ANAPC1: variants seen among roughly 807,000 people sequenced by gnomAD.
The protein encoded by ANAPC1 is anaphase promoting complex subunit 1, also known as anaphase-promoting complex subunit 1.
In ANAPC1, 36 loss-of-function variants were observed where a neutral mutation model predicts 208.0. That is an observed-to-expected ratio of 0.17 (90% CI 0.13 to 0.23). ANAPC1 has a LOEUF of 0.23. Ranked by LOEUF, ANAPC1 falls within the 10% of genes least tolerant of loss-of-function variation. The probability of loss-of-function intolerance (pLI) is 1.00; values close to 1 mark genes in which losing one functional copy is unlikely to be tolerated. For missense variants in ANAPC1, 942 were observed against 2,011.6 expected (o/e 0.47, Z 10.17); for synonymous variants, 378 against 695.2 (o/e 0.54, Z 7.18).
chr2:111,817,353 A>T (rs1293657152), intron 27 of ANAPC1, among the ~76,000 whole-genome samples: 1 of 151,778 alleles, frequency 6.6e-6, no homozygotes, highest in Non-Finnish European at 1.5e-5. Context: ...CCAATTTTGC[A>T]TTAGATTTTC....
chr2:111,777,252 T>C (rs1255969230), intron 45 of ANAPC1, among the ~76,000 whole-genome samples, 195 bp from the exon 46 acceptor site: 2 of 152,182 alleles, frequency 1.3e-5, no homozygotes, highest in East Asian at 3.9e-4. Context: ...CCTCCTTCAA[T>C]ATGGCCCTAC....
intron 16 of ANAPC1, among the ~76,000 whole-genome samples, chr2:111,845,488 G>A (rs1681003093): frequency 6.6e-6 from 1 of 152,160 alleles, no homozygotes; most frequent in South Asian, 2.1e-4. Context: ...TAAACCCAAT[G>A]CTGCATGAGT....
rs759052925 is a variant in ANAPC1, at chr2:111,794,228, C to T, written c.4464+5G>A. The T allele has an allele frequency of 1.9e-6, 3 of 1,605,536 alleles. No homozygotes were observed. The highest frequency in any genetic ancestry group is 2.5e-6 in the Non-Finnish European group (3 of 1,177,298). On this transcript the variant is annotated splice_donor_5th_base_variant and intron_variant, in intron 36 of 47. Transcript: ENST00000341068. Reference sequence around the variant, plus strand: ...AAGAACACAGTAAACTAAAATACTTCTTACCAAACAGTTAAATGCTGATAA... The same window carrying T: ...AAGAACACAGTAAACTAAAATACTTTTTACCAAACAGTTAAATGCTGATAA...
At chr2:111,867,978 CAA>C (rs750765481) in intron 7 of ANAPC1, 43 bp downstream of exon 7, 105 of 1,130,610 alleles carry the variant, frequency 9.3e-5, no homozygotes, top group South Asian at 3.4e-4. Context: ...TCACCAAAGT[CAA>C]AAAAAAAAGA....
chr2:111,833,076 C>T (rs891484238), intron 20 of ANAPC1, 144 bp downstream of exon 20: 141 of 1,216,006 alleles, frequency 1.2e-4, no homozygotes, highest in African/African-American at 5.9e-4. Flanking sequence ...ACAAGCACTA[C>T]GAACTAAAAT....
At position 111,880,818 on chromosome 2, in the gene ANAPC1, T is replaced by C; in HGVS notation, c.8A>G (p.Asn3Ser). The C allele has an allele frequency of 1.2e-6, 2 of 1,613,800 alleles. No individual in the cohort carries two copies. Among genetic ancestry groups the C allele is most frequent in the South Asian group, 2.2e-5 (2 of 91,056 alleles). MSNFYEERTTMIA... is the reference protein window; with the variant it reads MSSFYEERTTMIA... ...CATCGTTGTCCTTTCTTCATAGAAG[T>C]TCGACATGGGTTCCAAATATCAACA... Residue 3 changes from asparagine to serine, a missense_variant, in exon 2 of 48, where the codon AAC becomes AGC. Asn to Ser is a conservative substitution (Grantham distance 46). Transcript: ENST00000341068.
Position 111,792,414 on chromosome 2 carries a change from A to C in ANAPC1, c.4660T>G (p.Phe1554Val), listed in dbSNP as rs1277062691. The change falls in exon 38 of 48, where the codon TTT becomes GTT. Residue 1554 changes from phenylalanine (F) to valine (V), a missense_variant. Phe to Val is a conservative substitution (Grantham distance 50, BLOSUM62 -1). Transcript: ENST00000341068. ...MKTGGEMNYG[F>V]HLAHHMALGL... ...AGGGCCATGTGGTGGGCTAAGTGAA[A>C]ACCATAGTTCATTTCACCACCCGTT... 6.2e-7 allele frequency: 1 copy of C among 1,612,276 alleles called. No homozygotes were observed. Among genetic ancestry groups the C allele is most frequent in the South Asian group, 1.1e-5 (1 of 90,908 alleles).
chr2:111,851,650 A>T (rs184229906), intron 13 of ANAPC1, among the ~76,000 whole-genome samples: 2,350 of 146,438 alleles, frequency 0.016, 29 homozygotes, highest in Middle Eastern at 0.032. Flanking sequence ...ACTAAAAATT[A>T]AAAAAAAAAA....
intron 38 of ANAPC1, among the ~76,000 whole-genome samples, chr2:111,790,824 G>A (rs142503232): frequency 6.6e-6 from 1 of 152,126 alleles, no homozygotes; most frequent in Non-Finnish European, 1.5e-5. Flanking sequence ...ATAGTTTAAA[G>A]AATCCACAGT....
intron 20 of ANAPC1, among the ~76,000 whole-genome samples, 160 bp from the exon 21 acceptor site, chr2:111,831,594 C>T (rs1680134381): frequency 6.6e-6 from 1 of 151,930 alleles, no homozygotes; most frequent in African/African-American, 2.4e-5. Context: ...AACCCCAGTA[C>T]TTTGGGAGGC....
intron 3 of ANAPC1, among the ~76,000 whole-genome samples, chr2:111,875,551 G>T (rs1208660068): frequency 6.6e-6 from 1 of 152,092 alleles, no homozygotes; most frequent in Non-Finnish European, 1.5e-5. Context: ...TACCTGAACA[G>T]TCACAAAATA....
chr2:111,798,600 T>C (rs537558629), intron 34 of ANAPC1, among the ~76,000 whole-genome samples: 1 of 152,108 alleles, frequency 6.6e-6, no homozygotes, highest in Non-Finnish European at 1.5e-5. Context: ...GACAAATGGT[T>C]TTTTTCATAG....
At chr2:111,806,077 C>T (rs1678659866) in intron 29 of ANAPC1, among the ~76,000 whole-genome samples, 184 bp from the exon 30 acceptor site, 1 of 151,450 alleles carries the variant, frequency 6.6e-6, no homozygotes, top group Non-Finnish European at 1.5e-5. Flanking sequence ...AAAAAAAGGG[C>T]CCAAAATAGT....
chr2:111,782,328 T>A, intron 43 of ANAPC1, 41 bp downstream of exon 43: 1 of 1,612,766 alleles, frequency 6.2e-7, no homozygotes, highest in Non-Finnish European at 8.5e-7. Context: ...GCCGGCAATT[T>A]AGAATTATTT....
rs759830098 is a variant in ANAPC1, at chr2:111,872,641, T to C, written c.600A>G (p.Pro200=). ...AATAAAATGAATACCTGGGTGAACC[T>C]GGAGGTACTTCATGTGAAGAAGCGC... is the stretch of plus-strand genomic sequence containing the variant. ...ERSASSHEVP[P]GSPREPLPTM... Residue 200 remains proline, a synonymous_variant, in exon 6 of 48, where the codon CCA becomes CCG. Transcript: ENST00000341068. The C allele has an allele frequency of 8.7e-6, 14 of 1,611,772 alleles. No individual in the cohort carries two copies. The highest frequency in any genetic ancestry group is 1.3e-5 in the African/African-American group (1 of 74,866).
intron 13 of ANAPC1, among the ~76,000 whole-genome samples, chr2:111,854,062 A>G (rs929951474): frequency 1.3e-5 from 2 of 152,244 alleles, no homozygotes; most frequent in African/African-American, 4.8e-5. Flanking sequence ...AGGAATCACT[A>G]TCTATGGCAG....
At chr2:111,804,393 T>C (rs955334090) in intron 30 of ANAPC1, among the ~76,000 whole-genome samples, 2 of 108,686 alleles carry the variant, frequency 1.8e-5, no homozygotes, top group African/African-American at 3.5e-5. Flanking sequence ...AACACGGCCA[T>C]CTGGCTCAAC....
At chr2:111,843,820 C>CTTGTTTTTTTT (rs1680902569) in intron 16 of ANAPC1, among the ~76,000 whole-genome samples, 1 of 86,828 alleles carries the variant, frequency 1.2e-5, no homozygotes, top group Non-Finnish European at 2.0e-5. Flanking sequence ...CTGAAGACAG[C>CTTGTTTTTTTT]TTTTTTTTTT....
chr2:111,792,763 T>C (rs1269601289), intron 37 of ANAPC1, among the ~76,000 whole-genome samples: 2 of 151,796 alleles, frequency 1.3e-5, no homozygotes, highest in Non-Finnish European at 1.5e-5. Flanking sequence ...CCATCCCGGC[T>C]AACATGGTGA....
Sources: gnomAD v4.1 joint callset for allele counts (sites outside exome capture counted in the v4.1 genomes callset) on GRCh38, gnomAD v4.1.1 for gene constraint, MANE v1.5 for transcripts, NCBI Gene and HGNC (gene_info 2026-07-23, HGNC 2026-07-21) for gene names.